The following CDKN2B-AS1 variants were observed in gnomAD, a reference collection of about 807,000 sequenced individuals.
CDKN2B-AS1 encodes the protein CDKN2B and CDKN2A antisense cis and trans regulatory RNA 1, also known as CDKN2B antisense RNA 1 (non-protein coding).
chr9:22,071,904 C>A (rs968847968), intron 4 of CDKN2B-AS1, among the ~76,000 whole-genome samples: 1 of 152,140 alleles, frequency 6.6e-6, no homozygotes, highest in African/African-American at 2.4e-5. Context: ...AAGCATTAAA[C>A]AATGCCTTTT....
rs140680449 is a variant in CDKN2B-AS1 at position 22,104,695 on chromosome 9, T to G, written n.439-22408T>G. On this transcript the variant is annotated intron_variant and non_coding_transcript_variant, in intron 4 of 4. Coordinates refer to ENST00000650946, the Ensembl canonical transcript of CDKN2B-AS1. ...TCATCCATTTACCATTTGTTTGTTTTTTGTTCATTTACTTATTTAATAAAA... is the reference window on the plus strand; with the variant it reads ...TCATCCATTTACCATTTGTTTGTTTGTTGTTCATTTACTTATTTAATAAAA... Among the ~76,000 whole-genome samples the G allele has an allele frequency of 4.6e-3, 704 of 152,366 alleles. 4 individuals are homozygous for G. Among genetic ancestry groups the G allele is most frequent in the African/African-American group, 0.016 (671 of 41,584 alleles).
At chr9:21,994,979 T>C (rs925453883), upstream of CDKN2B-AS1, 2 of 152,300 alleles carry the variant, frequency 1.3e-5, no homozygotes, top group African/African-American at 4.8e-5. Context: ...GGTCATCTCA[T>C]TGCTCTATCC....
At chr9:22,126,731 C>A (rs182625578) in intron 4 of CDKN2B-AS1, among the ~76,000 whole-genome samples, 1,703 of 152,108 alleles carry the variant, frequency 0.011, 29 homozygotes, top group African/African-American at 0.038. Context: ...CGCCACTGCA[C>A]CCGGCTAATT....
intron 4 of CDKN2B-AS1, among the ~76,000 whole-genome samples, chr9:22,091,954 TG>T (rs1176552237): frequency 7.9e-5 from 12 of 152,212 alleles, no homozygotes; most frequent in African/African-American, 2.9e-4. Context: ...ATATTGGCTG[TG>T]GTTTTGTTAT....
intron 4 of CDKN2B-AS1, among the ~76,000 whole-genome samples, chr9:22,074,580 G>C (rs1824422307): frequency 6.6e-6 from 1 of 152,168 alleles, no homozygotes; most frequent in East Asian, 1.9e-4. Context: ...CTTTATCCAA[G>C]CTGACAATCA....
At chr9:22,089,832 T>A (rs1001169954) in intron 4 of CDKN2B-AS1, among the ~76,000 whole-genome samples, 4 of 152,148 alleles carry the variant, frequency 2.6e-5, no homozygotes, top group Non-Finnish European at 4.4e-5. Context: ...ACTAAATTCT[T>A]TTTTTTAATT....
intron 4 of CDKN2B-AS1, among the ~76,000 whole-genome samples, chr9:22,086,730 C>A (rs1824879043): frequency 6.6e-6 from 1 of 152,072 alleles, no homozygotes; most frequent in Non-Finnish European, 1.5e-5. Flanking sequence ...ATTTTTTGAA[C>A]CCCAGAGATT....
chr9:22,056,631 G>T (rs1478155893), intron 4 of CDKN2B-AS1, among the ~76,000 whole-genome samples: 3 of 152,104 alleles, frequency 2.0e-5, no homozygotes, highest in African/African-American at 7.2e-5. Context: ...CAGTTTCTCG[G>T]TCTTCTTTTC....
At chr9:22,096,621 G>C (rs896415210) in intron 4 of CDKN2B-AS1, 2 of 152,178 alleles carry the variant, frequency 1.3e-5, no homozygotes, top group African/African-American at 4.8e-5. Context: ...AAGATATATA[G>C]TATGACCTCT....
At chr9:22,092,660 G>A (rs1563976520) in intron 4 of CDKN2B-AS1, among the ~76,000 whole-genome samples, 1 of 152,080 alleles carries the variant, frequency 6.6e-6, no homozygotes, top group East Asian at 1.9e-4. Flanking sequence ...CTGTGGGATT[G>A]GTGGTGATAT....
chr9:22,072,341 C>CAAAT (rs1041208739), intron 4 of CDKN2B-AS1, among the ~76,000 whole-genome samples: 3 of 152,172 alleles, frequency 2.0e-5, no homozygotes, highest in African/African-American at 7.2e-5. Context: ...CAGATCTGGC[C>CAAAT]TATTTCTTAG....
intron 4 of CDKN2B-AS1, among the ~76,000 whole-genome samples, chr9:22,104,732 C>T (rs181217361): frequency 1.3e-5 from 2 of 152,208 alleles, no homozygotes; most frequent in East Asian, 1.9e-4. Context: ...TTGTGTTTTG[C>T]ATATTCTAGG....
intron 4 of CDKN2B-AS1, among the ~76,000 whole-genome samples, chr9:22,101,700 A>G (rs986853249): frequency 7.3e-5 from 4 of 54,632 alleles, no homozygotes; most frequent in Admixed American, 6.7e-4. Context: ...ACACACACAC[A>G]CATGGCTTCT....
At chr9:22,081,364 G>C (rs770768158) in intron 4 of CDKN2B-AS1, among the ~76,000 whole-genome samples, 9 of 151,520 alleles carry the variant, frequency 5.9e-5, no homozygotes, top group Non-Finnish European at 1.3e-4. Context: ...TTCTTGGGGA[G>C]GTTATTTACT....
intron 4 of CDKN2B-AS1, among the ~76,000 whole-genome samples, chr9:22,059,671 G>A (rs981063006): frequency 6.6e-6 from 1 of 152,214 alleles, no homozygotes; most frequent in Admixed American, 6.5e-5. Context: ...CTGTGTGTGG[G>A]GGCTCTAACC....
chr9:22,039,224 A>T lies in CDKN2B-AS1; in HGVS notation n.30-7527A>T, dbSNP rs1212710146. Among the ~76,000 whole-genome samples the T allele has an allele frequency of 6.6e-6, 1 of 152,016 alleles. No individual in the cohort carries two copies. The highest frequency in any genetic ancestry group is 2.4e-5 in the African/African-American group (1 of 41,416). On this transcript the variant is annotated intron_variant and non_coding_transcript_variant, in intron 1 of 4. Transcript: ENST00000650946. The surrounding 1 kb of genome is among the most constrained non-coding windows in gnomAD (Gnocchi z 4.4). ...AGACTTTGTTGCTCGGTGGAACTAG[A>T]ATCATTAATATCTCAGTCAGGGGAA...
rs2131182317 is a variant in CDKN2B-AS1 at position 22,006,289 on chromosome 9, G to A, written n.29+11128G>A. 1 of 1,599,326 alleles carries A rather than the reference G, an allele frequency of 6.3e-7. No individual in the cohort carries two copies. Among genetic ancestry groups the A allele is most frequent in the Non-Finnish European group, 8.5e-7 (1 of 1,179,666 alleles). On this transcript the variant is annotated intron_variant and non_coding_transcript_variant, in intron 1 of 4. Transcript: ENST00000650946. This position sits in a 1 kb window ranked among gnomAD's most constrained non-coding sequence, Gnocchi z 6.4. ...AGTGGTCAGAGCCAGGGTGGGGGCA[G>A]GTATGGGAGATGCCGGCCGGGGCAA...
At chr9:22,057,202 T>C (rs1369423662) in intron 4 of CDKN2B-AS1, among the ~76,000 whole-genome samples, 1 of 152,206 alleles carries the variant, frequency 6.6e-6, no homozygotes, top group East Asian at 1.9e-4. Flanking sequence ...TTTCCAAAAG[T>C]TAACTCATAA....
chr9:22,105,974 G>A lies in CDKN2B-AS1; in HGVS notation n.439-21129G>A, dbSNP rs997981838. ...CGCCCAGGCCGGAGTGCAATGGCACGATCTTGGCTCACTGCAACCTCTGCC... is the reference window on the plus strand; with the variant it reads ...CGCCCAGGCCGGAGTGCAATGGCACAATCTTGGCTCACTGCAACCTCTGCC... On this transcript the variant is annotated intron_variant and non_coding_transcript_variant, in intron 4 of 4. Transcript: ENST00000650946. Among the ~76,000 whole-genome samples the A allele has an allele frequency of 2.6e-5, 4 of 152,328 alleles. No individual in the cohort carries two copies. The South Asian group carries it at 6.2e-4, about 24-fold the overall frequency.
Sources: allele counts gnomAD v4.1 joint callset (sites outside exome capture counted in the v4.1 genomes callset), GRCh38; gene constraint gnomAD v4.1.1; non-coding constraint Gnocchi (gnomAD v3.1); transcripts MANE v1.5; gene names NCBI Gene and HGNC (gene_info 2026-07-23, HGNC 2026-07-21).